The following DCST2 variants were observed in gnomAD, a reference collection of about 807,000 sequenced individuals.
DCST2 encodes the protein DC-STAMP domain containing 2.
A neutral mutation model predicts 81.8 loss-of-function variants in DCST2; 64 were observed. That is an observed-to-expected ratio of 0.78 (90% CI 0.64 to 0.96). The LOEUF (loss-of-function observed/expected upper bound fraction) is 0.96, where lower values mean the gene tolerates loss of function less well. Among genes scored for constraint, DCST2 ranks in the 40% least tolerant of loss-of-function variants. DCST2 has a pLI of 0.00. For missense variants in DCST2, 945 were observed against 1,001.4 expected, an observed-to-expected ratio of 0.94 and a Z score of 0.76; for synonymous variants, 354 against 402.6, an observed-to-expected ratio of 0.88 and a Z score of 1.44.
rs1433283779 is a variant in DCST2 at position 155,033,251 on chromosome 1, T to G, written c.282A>C (p.Thr94=). The change falls in exon 2 of 15, where the codon ACA becomes ACC. Residue 94 remains threonine (T), a synonymous_variant. Coordinates refer to ENST00000368424, the MANE Select transcript of DCST2 (RefSeq NM_144622.3). ...LPQAFSRQGR[T]LLLVAAFGLV... ...ACCCAAAAGCAGCCACCAACAGTAG[T>G]GTCCGGCCCTGCCCTGGGGGCGACA... 1 of 1,611,176 alleles carries G rather than the reference T, an allele frequency of 6.2e-7. No individual in the cohort carries two copies. The highest frequency in any genetic ancestry group is 1.7e-5 in the Admixed American group (1 of 59,240).
At position 155,033,474 on chromosome 1, in the gene DCST2, G is replaced by C. The variant is rs779114810; in HGVS notation, c.228C>G (p.Val76=). Residue 76 remains valine, a synonymous_variant, in exon 1 of 15, where the codon GTC becomes GTG. Transcript: ENST00000368424. ...GCAGCAGCAGGAGGACAGTGGCTCG[G>C]ACCTGGCGAGAGAATCCCATGCCCA... ...LSLGMGFSRQ[V]RATVLLLLPQ... 2 of 1,613,922 alleles carry C rather than the reference G, an allele frequency of 1.2e-6. No individual in the cohort carries two copies. Among genetic ancestry groups the C allele is most frequent in the East Asian group, 2.2e-5 (1 of 44,882 alleles).
At chr1:155,031,917 C>T (rs907932256) in intron 3 of DCST2, 146 bp from the exon 4 acceptor site, 24 of 833,220 alleles carry the variant, frequency 2.9e-5, no homozygotes, top group South Asian at 1.0e-4. Flanking sequence ...CACTAGCCAG[C>T]GCCCAGAAGG....
At chr1:155,028,231 C>T (rs533775947) in intron 8 of DCST2, among the ~76,000 whole-genome samples, 1 of 152,258 alleles carries the variant, frequency 6.6e-6, no homozygotes, top group East Asian at 1.9e-4. Context: ...GGCCCCAACA[C>T]ACATAATCTA....
At chr1:155,020,119 G>A (rs1322605034) in intron 14 of DCST2, among the ~76,000 whole-genome samples, 3 of 152,152 alleles carry the variant, frequency 2.0e-5, no homozygotes, top group African/African-American at 7.2e-5. Flanking sequence ...TGGCCCTGGA[G>A]CCCAAACCTC....
chr1:155,028,400 G>A (rs116915888), intron 8 of DCST2, among the ~76,000 whole-genome samples: 3,893 of 152,246 alleles, frequency 0.026, 304 homozygotes, highest in East Asian at 0.22. Flanking sequence ...AGAGCAGCCT[G>A]AGCAATATGG....
In DCST2 at chr1:155,030,235, T is replaced by C. The variant is rs761097567; in HGVS notation, c.1026A>G (p.Leu342=). ...AGTTCAGGTAACAATACCGGTAAAA[T>C]AGGGCTCTGGGAAGGGGAGGTGGAG... The part of the protein sequence containing the change: ...LLLVLLYLQA[L]FYRYCYLNWD... The change falls in exon 7 of 15, where the codon CTA becomes CTG. Residue 342 remains leucine (L), a synonymous_variant. Transcript: ENST00000368424. 26 of 1,613,414 alleles carry C rather than the reference T, an allele frequency of 1.6e-5. No individual in the cohort carries two copies. The Admixed American group carries it at 3.5e-4, about 22-fold the overall frequency.
At chr1:155,026,147 G>A (rs1419638657) in intron 10 of DCST2, among the ~76,000 whole-genome samples, 155 bp downstream of exon 10, 1 of 152,006 alleles carries the variant, frequency 6.6e-6, no homozygotes, top group African/African-American at 2.4e-5. Flanking sequence ...TGGGTCCAGA[G>A]GCTTGCAGTC....
intron 8 of DCST2, among the ~76,000 whole-genome samples, chr1:155,026,946 C>T (rs2102339290): frequency 6.6e-6 from 1 of 152,290 alleles, no homozygotes; most frequent in Non-Finnish European, 1.5e-5. Context: ...TCTGGTCTTC[C>T]TATCCAAGCC....
At position 155,033,773 on chromosome 1, in the gene DCST2, C is replaced by T; in HGVS notation, c.-72G>A. The T allele has an allele frequency of 6.4e-7, 1 of 1,565,314 alleles. No homozygotes were observed. Among genetic ancestry groups the T allele is most frequent in the Admixed American group, 1.8e-5 (1 of 54,082 alleles). On this transcript the variant is annotated 5_prime_UTR_variant, in exon 1 of 15. The change creates a new upstream start codon in the 5' untranslated region. Coordinates refer to ENST00000368424, the MANE Select transcript of DCST2 (RefSeq NM_144622.3). ...ACTTCTGTGCTCCTGGAATTTCTCA[C>T]CGTATTCTAAGGTTCCAAAGGGCTT... is the stretch of plus-strand genomic sequence containing the variant.
intron 8 of DCST2, among the ~76,000 whole-genome samples, chr1:155,028,895 CTG>C (rs926329142): frequency 1.8e-4 from 25 of 142,142 alleles, no homozygotes; most frequent in African/African-American, 6.0e-4. Context: ...AAAGAGGAAA[CTG>C]AAGCTGAAGA....
chr1:155,018,953 G>T (rs1328838214), intron 14 of DCST2, among the ~76,000 whole-genome samples, 193 bp from the exon 15 acceptor site: 1 of 152,184 alleles, frequency 6.6e-6, no homozygotes. Flanking sequence ...ATGCTGGGGG[G>T]TGGGCAGTGA....
At chr1:155,027,554 CTTTTT>C (rs779621299) in intron 8 of DCST2, among the ~76,000 whole-genome samples, 27 of 64,020 alleles carry the variant, frequency 4.2e-4, no homozygotes, top group African/African-American at 1.7e-3. Context: ...TTTTTTACTT[CTTTTT>C]TTTTTTTTTT....
At chr1:155,028,851 A>G (rs1659986527) in intron 8 of DCST2, among the ~76,000 whole-genome samples, 1 of 147,506 alleles carries the variant, frequency 6.8e-6, no homozygotes, top group Non-Finnish European at 1.5e-5. Context: ...GCCTGGTGAC[A>G]GAACGAGACT....
chr1:155,023,970 G>A lies in DCST2; in HGVS notation c.1743-11C>T, dbSNP rs773384866. The A allele has an allele frequency of 1.2e-6, 2 of 1,611,208 alleles. No homozygotes were observed. The highest frequency in any genetic ancestry group is 1.7e-6 in the Non-Finnish European group (2 of 1,179,062). On this transcript the variant is annotated splice_polypyrimidine_tract_variant and intron_variant, in intron 11 of 14. Coordinates refer to ENST00000368424, the MANE Select transcript of DCST2 (RefSeq NM_144622.3). ...CCTAGGCAGGGGCACCTGAGAAAAG[G>A]GTCACAGACACTAAGCAGGCCAGCC...
chr1:155,024,036 A>G (rs1447379839), intron 11 of DCST2, 77 bp from the exon 12 acceptor site: 8 of 1,533,680 alleles, frequency 5.2e-6, no homozygotes, highest in Non-Finnish European at 7.0e-6. Context: ...CAACCTCCAA[A>G]TGGCAGGGAG....
At chr1:155,019,516 C>T (rs572895887) in intron 14 of DCST2, among the ~76,000 whole-genome samples, 1 of 152,240 alleles carries the variant, frequency 6.6e-6, no homozygotes, top group South Asian at 2.1e-4. Flanking sequence ...AGAGTTCTTC[C>T]CTGGCCATGG....
In DCST2 at chr1:155,023,224, C is replaced by A; in HGVS notation, c.1998G>T (p.Trp666Cys). Residue 666 changes from tryptophan (W) to cysteine (C), a missense_variant, in exon 14 of 15, where the codon TGG becomes TGT. Trp to Cys is a radical substitution (Grantham distance 215, BLOSUM62 -2). Coordinates refer to ENST00000368424, the MANE Select transcript of DCST2 (RefSeq NM_144622.3). ...DSSDEEGPQL[W>C]LAAAQRKDPE... ...GGTCCTTCCTTTGAGCTGCAGCCAGCCATAGCTGAGGGCCCTCCTCATCGC... is the reference window on the plus strand; with the variant it reads ...GGTCCTTCCTTTGAGCTGCAGCCAGACATAGCTGAGGGCCCTCCTCATCGC... 1 of 1,614,164 alleles carries A rather than the reference C, an allele frequency of 6.2e-7. No individual in the cohort carries two copies. Among genetic ancestry groups the A allele is most frequent in the East Asian group, 2.2e-5 (1 of 44,886 alleles).
chr1:155,031,802 G>A (rs1463141702), intron 3 of DCST2, 31 bp from the exon 4 acceptor site: 6 of 1,607,152 alleles, frequency 3.7e-6, no homozygotes, highest in Non-Finnish European at 5.1e-6. Flanking sequence ...GGCACCCAGG[G>A]CTGGAATCCT....
chr1:155,026,422 A>G lies in DCST2; in HGVS notation c.1511-20T>C, dbSNP rs771674076. ...TGACGCCTGGGAGCACAGCAGCCAC[A>G]GTCAGCCTCACCAGCAGGCACAAGT... On this transcript the variant is annotated intron_variant, in intron 9 of 14. Transcript: ENST00000368424. 11 of 1,613,734 alleles carry G rather than the reference A, an allele frequency of 6.8e-6. No homozygotes were observed. The South Asian group carries it at 1.2e-4, about 18-fold the overall frequency.
Sources: gnomAD v4.1 joint callset for allele counts (sites outside exome capture counted in the v4.1 genomes callset) on GRCh38, gnomAD v4.1.1 for gene constraint, MANE v1.5 for transcripts, NCBI Gene and HGNC (gene_info 2026-07-23, HGNC 2026-07-21) for gene names.